The following LZTS1 variants were observed in gnomAD, a reference collection of about 807,000 sequenced individuals.
LZTS1 encodes leucine zipper tumor suppressor 1.
A neutral mutation model predicts 45.8 loss-of-function variants in LZTS1; 31 were observed. The observed-to-expected ratio is 0.68, with a 90% CI of 0.51 to 0.91. The LOEUF is 0.91. Among genes scored for constraint, LZTS1 ranks in the 40% least tolerant of loss-of-function variants. LZTS1 has a pLI of 0.00. For missense variants in LZTS1, 821 were observed against 788.9 expected, an observed-to-expected ratio of 1.04 and a Z score of -0.49; for synonymous variants, 359 against 357.3, an observed-to-expected ratio of 1.00 and a Z score of -0.05.
chr8:20,252,220 G>A (rs973466359), intron 3 of LZTS1, among the ~76,000 whole-genome samples: 13 of 152,134 alleles, frequency 8.5e-5, no homozygotes, highest in African/African-American at 3.1e-4. Context: ...GTGTAAGTGT[G>A]TGAGTGGGGG....
chr8:20,277,175 G>T (rs1348853634), intron 1 of LZTS1, among the ~76,000 whole-genome samples: 2 of 152,190 alleles, frequency 1.3e-5, no homozygotes, highest in East Asian at 1.9e-4. Flanking sequence ...ACCTCTGGTC[G>T]TGCTCACTGC....
chr8:20,293,943 T>G (rs1226808381), intron 1 of LZTS1, among the ~76,000 whole-genome samples: 1 of 151,602 alleles, frequency 6.6e-6, no homozygotes, highest in Non-Finnish European at 1.5e-5. Context: ...ATAACAATAA[T>G]AAATAAATAA....
At position 20,292,218 on chromosome 8, in the gene LZTS1, C is replaced by T. The variant is rs542720205; in HGVS notation, c.-135+11522G>A. Among the ~76,000 whole-genome samples the T allele has an allele frequency of 7.9e-5, 12 of 152,332 alleles. No individual in the cohort carries two copies. In the South Asian group the frequency reaches 2.3e-3, roughly 29 times the overall value. ...TTTCATGTCAGTAGGCAAAGGAACC[C>T]CTGGCACCCAGTGTGTCTGAGATTG... is the stretch of plus-strand genomic sequence containing the variant. On this transcript the variant is annotated intron_variant, in intron 1 of 3. Transcript: ENST00000381569.
At chr8:20,273,406 G>C (rs148947196) in intron 1 of LZTS1, among the ~76,000 whole-genome samples, 19 of 152,200 alleles carry the variant, frequency 1.2e-4, no homozygotes, top group Middle Eastern at 3.4e-3. Flanking sequence ...TCTCCCCTGA[G>C]CTCCTGCCCT....
intron 1 of LZTS1, among the ~76,000 whole-genome samples, chr8:20,267,676 C>A (rs908570925): frequency 6.6e-6 from 1 of 152,124 alleles, no homozygotes; most frequent in Non-Finnish European, 1.5e-5. Flanking sequence ...CGCCACCATG[C>A]CCAGCTAATT....
chr8:20,251,133 AT>A (rs1563850928), intron 3 of LZTS1, among the ~76,000 whole-genome samples: 19 of 107,100 alleles, frequency 1.8e-4, no homozygotes, highest in African/African-American at 7.2e-4. Context: ...ATATATATAT[AT>A]ATATATATAT....
At chr8:20,288,117 C>T (rs560957543) in intron 1 of LZTS1, among the ~76,000 whole-genome samples, 8 of 152,188 alleles carry the variant, frequency 5.3e-5, no homozygotes, top group Admixed American at 3.9e-4. Context: ...CAAGCTCCTT[C>T]TCCTTCTCAA....
rs375329367 is a variant in LZTS1 at position 20,255,412 on chromosome 8, G to A, written c.-134-97C>T. On this transcript the variant is annotated intron_variant, in intron 1 of 3. Coordinates refer to ENST00000381569, the MANE Select transcript of LZTS1 (RefSeq NM_021020.5). ...AGATCTGGGCAGTAGAGAAACACATGTCAGAGCCCAGCACTGTCTCCACCA... is the reference window on the plus strand; with the variant it reads ...AGATCTGGGCAGTAGAGAAACACATATCAGAGCCCAGCACTGTCTCCACCA... 31 of 828,616 alleles carry A rather than the reference G, an allele frequency of 3.7e-5. No homozygotes were observed. In the African/African-American group the frequency reaches 4.1e-4, roughly 11 times the overall value. 51.3% of individuals were successfully genotyped at this position (828,616 alleles called of 1,614,324 possible).
At chr8:20,275,859 G>A (rs1459616898) in intron 1 of LZTS1, 1 of 152,284 alleles carries the variant, frequency 6.6e-6, no homozygotes, top group African/African-American at 2.4e-5. Context: ...GATGTCACGT[G>A]CCGGGGTGAA....
intron 1 of LZTS1, among the ~76,000 whole-genome samples, chr8:20,297,590 AT>A (rs1183103113): frequency 6.6e-6 from 1 of 151,830 alleles, no homozygotes; most frequent in Non-Finnish European, 1.5e-5. Context: ...AATTTTTTGT[AT>A]TTTTAATAGA....
chr8:20,261,889 C>A (rs572197515), intron 1 of LZTS1, among the ~76,000 whole-genome samples: 10 of 152,324 alleles, frequency 6.6e-5, no homozygotes, highest in Admixed American at 3.9e-4. Context: ...CCAGCCACCC[C>A]GCCTCCTGCC....
At chr8:20,296,862 C>T (rs377378532) in intron 1 of LZTS1, among the ~76,000 whole-genome samples, 4 of 152,188 alleles carry the variant, frequency 2.6e-5, no homozygotes, top group South Asian at 2.1e-4. Context: ...AGGTGCTGGA[C>T]GCAACCCACA....
chr8:20,302,175 G>C (rs1801091475), intron 1 of LZTS1, among the ~76,000 whole-genome samples: 2 of 152,132 alleles, frequency 1.3e-5, no homozygotes, highest in African/African-American at 4.8e-5. Context: ...CAACCTGGTA[G>C]TTATGTTGTG....
chr8:20,303,049 G>T lies in LZTS1; in HGVS notation c.-135+691C>A, dbSNP rs1801108279. 2.6e-5 allele frequency among the ~76,000 whole-genome samples: 4 copies of T among 152,236 alleles called. No individual in the cohort carries two copies. In the South Asian group the frequency reaches 6.2e-4, roughly 24 times the overall value. On this transcript the variant is annotated intron_variant, in intron 1 of 3. Transcript: ENST00000381569. ...CTGGCTGCCTAGGGTGGCGGTGGAA[G>T]AAGTGAAGGTAGTGTGGGGCTGTCT...
intron 1 of LZTS1, chr8:20,275,939 A>C (rs111645261): frequency 6.6e-6 from 1 of 152,302 alleles, no homozygotes; most frequent in African/African-American, 2.4e-5. Flanking sequence ...GCATTTCAAC[A>C]TGGGTAGAAG....
intron 1 of LZTS1, among the ~76,000 whole-genome samples, chr8:20,294,625 T>C (rs865779665): frequency 3.9e-5 from 6 of 152,092 alleles, no homozygotes; most frequent in Non-Finnish European, 5.9e-5. Flanking sequence ...CTCCTCAAGA[T>C]GTGTGCGCTG....
intron 1 of LZTS1, among the ~76,000 whole-genome samples, chr8:20,286,667 T>C (rs937356352): frequency 1.3e-5 from 2 of 152,176 alleles, no homozygotes; most frequent in Admixed American, 1.3e-4. Context: ...AATGGCCACA[T>C]GTGTTCACTT....
intron 1 of LZTS1, among the ~76,000 whole-genome samples, chr8:20,302,422 T>C (rs1801096470): frequency 6.6e-6 from 1 of 152,082 alleles, no homozygotes; most frequent in East Asian, 1.9e-4. Context: ...ACCTCCATTC[T>C]CCCTCTGGAT....
intron 1 of LZTS1, among the ~76,000 whole-genome samples, chr8:20,270,536 G>C (rs1243412806): frequency 6.6e-6 from 1 of 152,160 alleles, no homozygotes; most frequent in Non-Finnish European, 1.5e-5. Context: ...GGACAGAGGT[G>C]GCAAGACAGA....
Sources: gnomAD v4.1 joint callset for allele counts (sites outside exome capture counted in the v4.1 genomes callset) on GRCh38, gnomAD v4.1.1 for gene constraint, MANE v1.5 for transcripts, NCBI Gene and HGNC (gene_info 2026-07-23, HGNC 2026-07-21) for gene names.